Variants in MAP3K4 observed in about 807,000 individuals in gnomAD.
MAP3K4 encodes MAP three kinase 1.
Under a neutral mutation model 185.6 loss-of-function variants are expected in MAP3K4, and 67 were observed. The observed-to-expected ratio is 0.36, with a 90% confidence interval of 0.30 to 0.44. The LOEUF (loss-of-function observed/expected upper bound fraction) is 0.44, where lower values mean the gene tolerates loss of function less well. Ranked by LOEUF, MAP3K4 falls within the 20% of genes least tolerant of loss-of-function variation. The pLI, the probability that MAP3K4 is intolerant of heterozygous loss-of-function variation, is 1.00. For synonymous variants in MAP3K4, 702 were observed against 710.4 expected (o/e 0.99, Z 0.19); for missense variants, 1,551 against 1,995.1 (o/e 0.78, Z 4.24).
Position 161,098,337 on chromosome 6 carries a change from C to CTGCTGCTGCTGT in MAP3K4, c.3595_3596insTTGCTGCTGCTG (p.Ala1198_Ala1199insValAlaAlaAla), listed in dbSNP as rs938665778. The CTGCTGCTGCTGT allele has an allele frequency of 8.1e-6, 13 of 1,612,994 alleles. No homozygotes were observed. Among genetic ancestry groups the CTGCTGCTGCTGT allele is most frequent in the African/African-American group, 6.7e-5 (5 of 74,872 alleles). ...GGCAGCCCTGCTGCTGCTGCTGCTGCTGCTGCTGCTGCTGTTGCTGCCAGT... is the reference window on the plus strand; with the variant it reads ...GGCAGCCCTGCTGCTGCTGCTGCTGCTGCTGCTGCTGTTGCTGCTGCTGCTGTTGCTGCCAGT... On this transcript the variant is annotated inframe_insertion, in exon 17 of 27. Coordinates refer to ENST00000392142, the MANE Select transcript of MAP3K4 (RefSeq NM_005922.4). The surrounding 1 kb of genome is among the most constrained non-coding windows in gnomAD (Gnocchi z 4.4).
chr6:161,019,230 C>G (rs1782261361), intron 1 of MAP3K4, among the ~76,000 whole-genome samples: 1 of 152,246 alleles, frequency 6.6e-6, no homozygotes, highest in East Asian at 1.9e-4. Flanking sequence ...AACCCTGTCA[C>G]TGGAAGATCA....
chr6:161,112,047 G>T lies in MAP3K4; in HGVS notation c.4519+89G>T. 3.3e-6 allele frequency: 5 copies of T among 1,522,004 alleles called. No homozygotes were observed. In the South Asian group the frequency reaches 6.5e-5, roughly 20 times the overall value. 94.3% of individuals were successfully genotyped at this position (1,522,004 alleles called of 1,614,324 possible). A position where few individuals can be genotyped will look rare whatever the true frequency, so the allele number is the denominator to read the frequency against. On this transcript the variant is annotated intron_variant, in intron 24 of 26. Coordinates refer to ENST00000392142, the MANE Select transcript of MAP3K4 (RefSeq NM_005922.4). This position sits in a 1 kb window ranked among gnomAD's most constrained non-coding sequence, Gnocchi z 5.1. ...TTCCCTTCACCTTTGTTTGTCAGTA[G>T]AGATGGGAGAGCAGGTAAAGGTTTT...
chr6:161,087,583 A>T lies in MAP3K4; in HGVS notation c.2557-105A>T. On this transcript the variant is annotated intron_variant, in intron 9 of 26. Coordinates refer to ENST00000392142, the MANE Select transcript of MAP3K4 (RefSeq NM_005922.4). This position sits in a 1 kb window ranked among gnomAD's most constrained non-coding sequence, Gnocchi z 4.9. ...CACTGCTCCAATTCATGCCCTTCCC[A>T]CTTTCCCTTTCCCAAACCTGCCTCT... 8.4e-7 allele frequency: 1 copy of T among 1,193,372 alleles called. No homozygotes were observed. The highest frequency in any genetic ancestry group is 1.2e-6 in the Non-Finnish European group (1 of 823,496). The allele number at this position is 1,193,372 out of a possible 1,614,324, so 73.9% of individuals were successfully genotyped here. A position where few individuals can be genotyped will look rare whatever the true frequency, so the allele number is the denominator to read the frequency against.
chr6:160,996,225 C>G lies in MAP3K4; in HGVS notation c.152+4142C>G, dbSNP rs1031721927. On this transcript the variant is annotated intron_variant, in intron 1 of 26. Transcript: ENST00000392142. The surrounding 1 kb of genome is among the most constrained non-coding windows in gnomAD (Gnocchi z 4.5). The stretch of plus-strand genomic sequence containing the variant: ...CTTTACACCACTGTAACAGTAGATG[C>G]CATTGGCGGGGGTGGCGTTAGGCAG... Among the ~76,000 whole-genome samples, 5 of 152,166 alleles carry G rather than the reference C, an allele frequency of 3.3e-5. No individual in the cohort carries two copies. The highest frequency in any genetic ancestry group is 1.2e-4 in the African/African-American group (5 of 41,430).
chr6:161,008,459 A>T lies in MAP3K4; in HGVS notation c.152+16376A>T, dbSNP rs1415094487. Among the ~76,000 whole-genome samples, 1 of 152,156 alleles carries T rather than the reference A, an allele frequency of 6.6e-6. No individual in the cohort carries two copies. The highest frequency in any genetic ancestry group is 6.5e-5 in the Admixed American group (1 of 15,270). ...ATTCTTTACAGAATTTTACATACCGAGTTTTACGTATAATGGGAGCTGTAT... is the reference window on the plus strand; with the variant it reads ...ATTCTTTACAGAATTTTACATACCGTGTTTTACGTATAATGGGAGCTGTAT... On this transcript the variant is annotated intron_variant, in intron 1 of 26. Coordinates refer to ENST00000392142, the MANE Select transcript of MAP3K4 (RefSeq NM_005922.4). The surrounding 1 kb of genome is among the most constrained non-coding windows in gnomAD (Gnocchi z 4.1).
In MAP3K4 at chr6:161,054,036, C is replaced by T. The variant is rs933151993; in HGVS notation, c.1707+4057C>T. Among the ~76,000 whole-genome samples, 4 of 152,118 alleles carry T rather than the reference C, an allele frequency of 2.6e-5. No individual in the cohort carries two copies. Among genetic ancestry groups the T allele is most frequent in the South Asian group, 2.1e-4 (1 of 4,830 alleles). On this transcript the variant is annotated intron_variant, in intron 3 of 26. Coordinates refer to ENST00000392142, the MANE Select transcript of MAP3K4 (RefSeq NM_005922.4). The surrounding 1 kb of genome is among the most constrained non-coding windows in gnomAD (Gnocchi z 4.2). ...GATTTTGTAGAAAAGAAGAAATACA[C>T]GTGATGTTTGATTTTTCTTATCTAT... is the stretch of plus-strand genomic sequence containing the variant.
chr6:161,093,714 A>C lies in MAP3K4; in HGVS notation c.3349-59A>C. 1.0e-6 allele frequency: 1 copy of C among 966,548 alleles called. No homozygotes were observed. Among genetic ancestry groups the C allele is most frequent in the South Asian group, 1.4e-5 (1 of 71,840 alleles). 59.9% of individuals were successfully genotyped at this position (966,548 alleles called of 1,614,324 possible). ...CTGAAAATTAATTTGTGCTACTTACATAATTAAGAAAGTATGCATGTTTTC... is the reference window on the plus strand; with the variant it reads ...CTGAAAATTAATTTGTGCTACTTACCTAATTAAGAAAGTATGCATGTTTTC... On this transcript the variant is annotated intron_variant, in intron 14 of 26. Transcript: ENST00000392142. This position sits in a 1 kb window ranked among gnomAD's most constrained non-coding sequence, Gnocchi z 5.2.
rs1364982515 is a variant in MAP3K4, at chr6:161,109,562, GC to G, written c.4237-192del. On this transcript the variant is annotated intron_variant, in intron 22 of 26. Coordinates refer to ENST00000392142, the MANE Select transcript of MAP3K4 (RefSeq NM_005922.4). This position sits in a 1 kb window ranked among gnomAD's most constrained non-coding sequence, Gnocchi z 5.7. The stretch of plus-strand genomic sequence containing the variant: ...AGCTGTATAATTCCAGACAGAGGAG[GC>G]AGGCAGACACCTCTATAGAGGACTT... 2.0e-5 allele frequency among the ~76,000 whole-genome samples: 3 copies of G among 152,124 alleles called. No individual in the cohort carries two copies. The highest frequency in any genetic ancestry group is 4.4e-5 in the Non-Finnish European group (3 of 68,006).
intron 1 of MAP3K4, among the ~76,000 whole-genome samples, chr6:161,013,041 A>C (rs1781920955): frequency 1.3e-5 from 2 of 152,232 alleles, no homozygotes; most frequent in South Asian, 4.1e-4. Flanking sequence ...ATTTCCTGAA[A>C]GTAGAATTTG....
At chr6:161,090,719 G>T (rs1353020229) in intron 11 of MAP3K4, among the ~76,000 whole-genome samples, 2 of 61,838 alleles carry the variant, frequency 3.2e-5, no homozygotes, top group Admixed American at 2.3e-4. Context: ...GCCGCCCTGC[G>T]CATTGTAGGA....
rs771493869 is a variant in MAP3K4 at position 161,067,016 on chromosome 6, G to A, written c.1708-3592G>A. On this transcript the variant is annotated intron_variant, in intron 3 of 26. Coordinates refer to ENST00000392142, the MANE Select transcript of MAP3K4 (RefSeq NM_005922.4). This position sits in a 1 kb window ranked among gnomAD's most constrained non-coding sequence, Gnocchi z 6.3. ...GGCGGTGGAGGGAAGCATTTACAGC[G>A]TCTAAAGCCTTTACTTACACATACC... 2.3e-4 allele frequency among the ~76,000 whole-genome samples: 35 copies of A among 152,150 alleles called. No individual in the cohort carries two copies. Among genetic ancestry groups the A allele is most frequent in the African/African-American group, 7.5e-4 (31 of 41,424 alleles).
rs1783993343 is a variant in MAP3K4 at position 161,051,328 on chromosome 6, A to G, written c.1707+1349A>G. ...GAAACTATGGAAAACACCTGAAGAG[A>G]ACTTGAGTTTGCAAGATTTTAATTT... is the stretch of plus-strand genomic sequence containing the variant. On this transcript the variant is annotated intron_variant, in intron 3 of 26. Coordinates refer to ENST00000392142, the MANE Select transcript of MAP3K4 (RefSeq NM_005922.4). The surrounding 1 kb of genome is among the most constrained non-coding windows in gnomAD (Gnocchi z 4.2). Among the ~76,000 whole-genome samples, 2 of 152,176 alleles carry G rather than the reference A, an allele frequency of 1.3e-5. No individual in the cohort carries two copies. Among genetic ancestry groups the G allele is most frequent in the African/African-American group, 4.8e-5 (2 of 41,428 alleles).
intron 1 of MAP3K4, among the ~76,000 whole-genome samples, chr6:161,027,431 A>T (rs1019299965): frequency 2.6e-5 from 4 of 152,234 alleles, no homozygotes; most frequent in African/African-American, 9.6e-5. Flanking sequence ...GGTGAGTAAC[A>T]TTAAAAAAAA....
rs1227409670 is a variant in MAP3K4 at position 161,107,176 on chromosome 6, G to A, written c.4048+471G>A. Among the ~76,000 whole-genome samples, 2 of 152,066 alleles carry A rather than the reference G, an allele frequency of 1.3e-5. No homozygotes were observed. The highest frequency in any genetic ancestry group is 2.4e-5 in the African/African-American group (1 of 41,390). On this transcript the variant is annotated intron_variant, in intron 20 of 26. Coordinates refer to ENST00000392142, the MANE Select transcript of MAP3K4 (RefSeq NM_005922.4). This position sits in a 1 kb window ranked among gnomAD's most constrained non-coding sequence, Gnocchi z 6.2. Reference sequence around the variant, plus strand: ...CATTAATTAATTTCCAGGTGGAATTGCTTCATGTAAAATAGTCGTAAATTA... The same window carrying A: ...CATTAATTAATTTCCAGGTGGAATTACTTCATGTAAAATAGTCGTAAATTA...
intron 3 of MAP3K4, among the ~76,000 whole-genome samples, chr6:161,055,818 A>G (rs1355134022): frequency 6.6e-6 from 1 of 152,182 alleles, no homozygotes; most frequent in Non-Finnish European, 1.5e-5. Context: ...AGGTTTCTCC[A>G]GGAGTTACTA....
chr6:161,092,944 T>C, intron 13 of MAP3K4, 34 bp from the exon 14 acceptor site: 1 of 1,340,488 alleles, frequency 7.5e-7, no homozygotes, highest in Non-Finnish European at 1.1e-6. Context: ...TTTTCTTGGT[T>C]GTTATGTGAT....
Position 161,061,596 on chromosome 6 carries a change from A to C in MAP3K4, c.1708-9012A>C, listed in dbSNP as rs1583181569. 6.6e-6 allele frequency among the ~76,000 whole-genome samples: 1 copy of C among 152,172 alleles called. No homozygotes were observed. Among genetic ancestry groups the C allele is most frequent in the Admixed American group, 6.5e-5 (1 of 15,280 alleles). On this transcript the variant is annotated intron_variant, in intron 3 of 26. Transcript: ENST00000392142. The surrounding 1 kb of genome is among the most constrained non-coding windows in gnomAD (Gnocchi z 4.2). ...TCATTGCCCCTAAAAGAAGTCCTGT[A>C]CCCTTTAGCTGTCACCTCCACAATT...
chr6:161,101,962 C>T lies in MAP3K4; in HGVS notation c.3745C>T (p.Arg1249Cys). ...AAELQFRSLS[R>C]HSSPTEERDE... The stretch of plus-strand genomic sequence containing the variant: ...TGAATTGCAGTTTAGGTCCCTGAGT[C>T]GTCACTCAAGCCCCACGGAGGAGCG... Residue 1249 changes from arginine (R) to cysteine (C), a missense_variant, in exon 18 of 27, where the codon CGT (arginine) becomes TGT (cysteine). By Grantham distance (180) the Arg-to-Cys change is radical. Transcript: ENST00000392142. The surrounding 1 kb of genome is among the most constrained non-coding windows in gnomAD (Gnocchi z 5.1). 6.2e-7 allele frequency: 1 copy of T among 1,614,086 alleles called. No homozygotes were observed. The highest frequency in any genetic ancestry group is 1.1e-5 in the South Asian group (1 of 91,064).
chr6:161,091,770 T>C lies in MAP3K4; in HGVS notation c.3135+230T>C, dbSNP rs1777321984. Reference sequence around the variant, plus strand: ...GCCATCTACTTACATTTTAAAACTTTAAAGAGATGTTTTATGTCATAAAAG... The same window carrying C: ...GCCATCTACTTACATTTTAAAACTTCAAAGAGATGTTTTATGTCATAAAAG... On this transcript the variant is annotated intron_variant, in intron 12 of 26. Coordinates refer to ENST00000392142, the MANE Select transcript of MAP3K4 (RefSeq NM_005922.4). The surrounding 1 kb of genome is among the most constrained non-coding windows in gnomAD (Gnocchi z 5.5). Among the ~76,000 whole-genome samples the C allele has an allele frequency of 6.6e-6, 1 of 152,222 alleles. No individual in the cohort carries two copies. The highest frequency in any genetic ancestry group is 1.5e-5 in the Non-Finnish European group (1 of 68,040).
Sources: gnomAD v4.1 joint callset for allele counts (sites outside exome capture counted in the v4.1 genomes callset) on GRCh38, gnomAD v4.1.1 for gene constraint, Gnocchi (gnomAD v3.1) non-coding constraint, MANE v1.5 for transcripts, NCBI Gene and HGNC (gene_info 2026-07-23, HGNC 2026-07-21) for gene names.